Variants in KCNN2 observed in about 807,000 individuals in gnomAD.
KCNN2 encodes small conductance calcium-activated potassium channel protein 2.
A neutral mutation model predicts 55.5 loss-of-function variants in KCNN2; 24 were observed. The ratio of observed to expected loss-of-function variants is 0.43; its 90% CI spans 0.31 to 0.61. KCNN2 has a LOEUF of 0.61. KCNN2 is among the 20% of genes least tolerant of loss of function. KCNN2 has a pLI of 0.08. For missense variants in KCNN2, 754 were observed against 853.6 expected (o/e 0.88, Z 1.45); for synonymous variants, 431 against 336.1 (o/e 1.28, Z -3.09).
chr5:114,294,006 G>A lies in KCNN2; in HGVS notation c.-184-66939G>A, dbSNP rs1358606301. Reference sequence around the variant, plus strand: ...GAGTTGTTTGTAGTATTCTCCGATGGTAGTTTGTATTTCTGTGGGATCGGT... The same window carrying A: ...GAGTTGTTTGTAGTATTCTCCGATGATAGTTTGTATTTCTGTGGGATCGGT... On this transcript the variant is annotated intron_variant, in intron 2 of 10. Transcript: ENST00000512097. Among the ~76,000 whole-genome samples, 6 of 152,110 alleles carry A rather than the reference G, an allele frequency of 3.9e-5. No individual in the cohort carries two copies. The East Asian group carries it at 5.8e-4, about 15-fold the overall frequency.
intron 1 of KCNN2, among the ~76,000 whole-genome samples, chr5:114,125,531 C>T (rs955203996): frequency 2.6e-5 from 4 of 152,116 alleles, no homozygotes; most frequent in African/African-American, 7.2e-5. Context: ...TCTACAACTT[C>T]CTAAAAAAAA....
At chr5:114,148,815 C>T (rs190040138) in intron 1 of KCNN2, among the ~76,000 whole-genome samples, 3 of 152,190 alleles carry the variant, frequency 2.0e-5, no homozygotes, top group Admixed American at 1.3e-4. Context: ...TCAAATTCCT[C>T]ATCATGATCA....
At chr5:114,475,176 G>A (rs984305377) in intron 5 of KCNN2, among the ~76,000 whole-genome samples, 13 of 152,114 alleles carry the variant, frequency 8.5e-5, no homozygotes, top group Middle Eastern at 3.4e-3. Context: ...GAAGTTCACC[G>A]AGGTCAACCA....
chr5:114,474,037 GA>G (rs1246703561), intron 5 of KCNN2, among the ~76,000 whole-genome samples: 1 of 152,128 alleles, frequency 6.6e-6, no homozygotes, highest in Non-Finnish European at 1.5e-5. Flanking sequence ...GCTCAATGTG[GA>G]ATGCAATCAG....
At chr5:114,188,589 ATTG>A (rs938239394) in intron 1 of KCNN2, among the ~76,000 whole-genome samples, 1 of 152,328 alleles carries the variant, frequency 6.6e-6, no homozygotes, top group Middle Eastern at 3.4e-3. Context: ...ATACAAATAA[ATTG>A]TTAAGACTAA....
intron 1 of KCNN2, among the ~76,000 whole-genome samples, chr5:114,214,159 G>A (rs114447640): frequency 0.011 from 1,588 of 151,196 alleles, 31 homozygotes; most frequent in African/African-American, 0.038. Flanking sequence ...AGTTTCATAT[G>A]CCATAGCTTC....
chr5:114,348,711 C>T (rs1458482017), intron 2 of KCNN2, among the ~76,000 whole-genome samples: 1 of 152,124 alleles, frequency 6.6e-6, no homozygotes, highest in Non-Finnish European at 1.5e-5. Context: ...AAGAAAAAAT[C>T]TTGAATCCTC....
chr5:114,098,617 C>G (rs550507532), intron 1 of KCNN2, among the ~76,000 whole-genome samples: 4 of 151,950 alleles, frequency 2.6e-5, no homozygotes, highest in Non-Finnish European at 5.9e-5. Context: ...TTCCCCCAAC[C>G]ATGTCCGTGA....
intron 5 of KCNN2, among the ~76,000 whole-genome samples, chr5:114,479,364 A>G (rs1762119756): frequency 6.6e-6 from 1 of 152,222 alleles, no homozygotes; most frequent in African/African-American, 2.4e-5. Flanking sequence ...AGAGTTAACT[A>G]TTCTAAATAT....
chr5:114,195,300 T>G (rs1032581120), intron 1 of KCNN2, among the ~76,000 whole-genome samples: 1 of 152,012 alleles, frequency 6.6e-6, no homozygotes, highest in Non-Finnish European at 1.5e-5. Flanking sequence ...CTGAACAATA[T>G]TTTATTTTCT....
chr5:114,108,851 T>C (rs1424706172), intron 1 of KCNN2, among the ~76,000 whole-genome samples: 1 of 152,136 alleles, frequency 6.6e-6, no homozygotes, highest in African/African-American at 2.4e-5. Flanking sequence ...AGCCATTTTG[T>C]GGGCATATGT....
intron 2 of KCNN2, among the ~76,000 whole-genome samples, chr5:114,342,255 T>G (rs1233779835): frequency 6.6e-6 from 1 of 152,174 alleles, no homozygotes; most frequent in Non-Finnish European, 1.5e-5. Flanking sequence ...AATTCTCTTA[T>G]GCACTTACTC....
chr5:114,333,450 T>G (rs2150033893), intron 2 of KCNN2, among the ~76,000 whole-genome samples: 1 of 152,324 alleles, frequency 6.6e-6, no homozygotes, highest in South Asian at 2.1e-4. Flanking sequence ...CTTTGCTGTT[T>G]TGAGGAATTT....
At chr5:114,394,485 A>G (rs1295329053) in intron 2 of KCNN2, among the ~76,000 whole-genome samples, 1 of 152,196 alleles carries the variant, frequency 6.6e-6, no homozygotes, top group Non-Finnish European at 1.5e-5. Context: ...CAAAAGTTTA[A>G]TGAAGTCAAG....
chr5:114,220,939 A>C (rs1274535024), intron 1 of KCNN2, among the ~76,000 whole-genome samples: 2 of 152,248 alleles, frequency 1.3e-5, no homozygotes, highest in Non-Finnish European at 2.9e-5. Flanking sequence ...TAACAATGGA[A>C]AGAGGCAAGA....
At chr5:114,071,662 T>C (rs9326909) in intron 1 of KCNN2, among the ~76,000 whole-genome samples, 3,151 of 152,280 alleles carry the variant, frequency 0.021, 129 homozygotes, top group African/African-American at 0.071. Context: ...AAAAAGTGAA[T>C]GAATGTATAC....
chr5:114,481,133 T>C (rs1484947246), intron 5 of KCNN2, among the ~76,000 whole-genome samples: 1 of 152,188 alleles, frequency 6.6e-6, no homozygotes, highest in Non-Finnish European at 1.5e-5. Context: ...CTTAAGCTGA[T>C]AAGCAACTTC....
intron 1 of KCNN2, among the ~76,000 whole-genome samples, chr5:114,142,318 A>T (rs963696829): frequency 6.6e-6 from 1 of 152,122 alleles, no homozygotes; most frequent in Non-Finnish European, 1.5e-5. Flanking sequence ...ATAAGGTGTA[A>T]GGAAGGGATC....
intron 1 of KCNN2, among the ~76,000 whole-genome samples, chr5:114,202,541 T>C (rs1381244417): frequency 1.4e-4 from 21 of 146,974 alleles, no homozygotes; most frequent in Admixed American, 1.4e-3. Flanking sequence ...ATGCCTAGTA[T>C]ATACATGCCT....
Sources: allele counts gnomAD v4.1 joint callset (sites outside exome capture counted in the v4.1 genomes callset), GRCh38; gene constraint gnomAD v4.1.1; transcripts MANE v1.5; gene names NCBI Gene and HGNC (gene_info 2026-07-23, HGNC 2026-07-21).